The following DENND4A variants were observed in gnomAD, a reference collection of about 807,000 sequenced individuals.
The protein encoded by DENND4A is C-myc promoter-binding protein.
Under a neutral mutation model 199.3 loss-of-function variants are expected in DENND4A, and 70 were observed. The ratio of observed to expected loss-of-function variants is 0.35; its 90% CI spans 0.29 to 0.43. DENND4A has a LOEUF of 0.43. Among genes scored for constraint, DENND4A ranks in the 20% least tolerant of loss-of-function variants. DENND4A has a pLI of 1.00. For synonymous variants in DENND4A, 686 were observed against 766.9 expected, an observed-to-expected ratio of 0.89 and a Z score of 1.74; for missense variants, 1,723 against 2,255.8, an observed-to-expected ratio of 0.76 and a Z score of 4.78.
chr15:65,715,486 C>A lies in DENND4A; in HGVS notation c.1945G>T (p.Val649Leu), dbSNP rs768991778. ...DASLAFFDDC[V>L]DKVDMDKSGE... ...GATGTACTGTTACTTACTTTATCTACACAATCATCAAAAAATGCCAGGCTT... is the reference window on the plus strand; with the variant it reads ...GATGTACTGTTACTTACTTTATCTAAACAATCATCAAAAAATGCCAGGCTT... The change falls in exon 14 of 33, where the codon GTA becomes TTA. Residue 649 changes from valine to leucine, a missense_variant. Physicochemically the swap from Val to Leu is conservative, Grantham distance 32. This residue lies in a region of DENND4A where 725 missense variants were observed against 952.9 expected (regional missense o/e 0.76). Transcript: ENST00000443035. 6.2e-7 allele frequency: 1 copy of A among 1,609,730 alleles called. No individual in the cohort carries two copies. The highest frequency in any genetic ancestry group is 8.5e-7 in the Non-Finnish European group (1 of 1,178,982).
rs567364053 is a variant in DENND4A at position 65,769,534 on chromosome 15, T to C, written c.-101-8096A>G. Among the ~76,000 whole-genome samples, 235 of 152,314 alleles carry C rather than the reference T, an allele frequency of 1.5e-3. 1 individual carries two copies. Among genetic ancestry groups the C allele is most frequent in the African/African-American group, 5.2e-3 (217 of 41,580 alleles). On this transcript the variant is annotated intron_variant, in intron 1 of 32. Coordinates refer to ENST00000443035, the MANE Select transcript of DENND4A (RefSeq NM_001320835.1). ...ATTATCAGATACGCAAATAAGCTCA[T>C]GGCTTGGGTATTTTAAAATAAGGGA...
chr15:65,668,282 C>G (rs895127486), intron 27 of DENND4A, among the ~76,000 whole-genome samples, 159 bp from the exon 28 acceptor site: 2 of 151,328 alleles, frequency 1.3e-5, no homozygotes, highest in African/African-American at 4.9e-5. Flanking sequence ...GATCTCAGCT[C>G]ACTGCAACTT....
intron 29 of DENND4A, 70 bp from the exon 30 acceptor site, chr15:65,665,532 C>A: frequency 1.7e-6 from 2 of 1,206,880 alleles, no homozygotes; most frequent in Non-Finnish European, 2.3e-6. Flanking sequence ...TTATAAAATT[C>A]TTATAAATAT....
intron 20 of DENND4A, among the ~76,000 whole-genome samples, chr15:65,698,429 G>A (rs1318396720): frequency 6.6e-6 from 1 of 152,068 alleles, no homozygotes; most frequent in Non-Finnish European, 1.5e-5. Flanking sequence ...ATGATTTTAA[G>A]TAACAATGTA....
chr15:65,791,772 C>A (rs912959365), intron 1 of DENND4A, among the ~76,000 whole-genome samples: 1 of 151,976 alleles, frequency 6.6e-6, no homozygotes, highest in Non-Finnish European at 1.5e-5. Context: ...AACACAGGAG[C>A]CCCCCACGCG....
chr15:65,682,062 A>G (rs555359854), intron 23 of DENND4A, among the ~76,000 whole-genome samples: 118 of 152,350 alleles, frequency 7.7e-4, no homozygotes, highest in African/African-American at 2.7e-3. Context: ...GAGTAGCTTT[A>G]GCAAATTCTA....
intron 20 of DENND4A, 22 bp from the exon 21 acceptor site, chr15:65,697,405 A>G (rs1402970992): frequency 4.8e-6 from 7 of 1,459,692 alleles, no homozygotes; most frequent in Non-Finnish European, 5.7e-6. Context: ...AAAAATAAAC[A>G]AAACTCTATT....
chr15:65,704,164 T>C (rs1284953652), intron 15 of DENND4A, among the ~76,000 whole-genome samples: 1 of 152,102 alleles, frequency 6.6e-6, no homozygotes, highest in African/African-American at 2.4e-5. Flanking sequence ...AATAAGACCA[T>C]TTTGTGTGTC....
At chr15:65,767,265 G>A (rs2077011296) in intron 1 of DENND4A, 1 of 152,188 alleles carries the variant, frequency 6.6e-6, no homozygotes, top group Admixed American at 6.5e-5. Context: ...AACAAACTGA[G>A]GCATAAAAAT....
At chr15:65,724,758 G>A (rs779483296) in intron 11 of DENND4A, among the ~76,000 whole-genome samples, 5 of 152,190 alleles carry the variant, frequency 3.3e-5, no homozygotes, top group Non-Finnish European at 7.3e-5. Flanking sequence ...GTGACCAACA[G>A]GATCCTGTGT....
At chr15:65,666,991 C>T (rs1221609302) in intron 29 of DENND4A, among the ~76,000 whole-genome samples, 1 of 151,594 alleles carries the variant, frequency 6.6e-6, no homozygotes, top group African/African-American at 2.4e-5. Context: ...TTTGTAAATA[C>T]AACTAAAACA....
At chr15:65,692,309 T>G (rs2077000292) in intron 22 of DENND4A, among the ~76,000 whole-genome samples, 1 of 152,048 alleles carries the variant, frequency 6.6e-6, no homozygotes, top group African/African-American at 2.4e-5. Flanking sequence ...AATGGCCACT[T>G]CACATTATTT....
chr15:65,666,722 T>G (rs994946298), intron 29 of DENND4A, among the ~76,000 whole-genome samples: 2 of 144,818 alleles, frequency 1.4e-5, no homozygotes, highest in Non-Finnish European at 3.0e-5. Flanking sequence ...GAGGTCACAG[T>G]GAGCCATGAC....
chr15:65,781,887 G>A (rs2077444438), intron 1 of DENND4A, among the ~76,000 whole-genome samples: 2 of 152,204 alleles, frequency 1.3e-5, no homozygotes, highest in African/African-American at 2.4e-5. Context: ...GACAGGCAGA[G>A]AATACACAAA....
chr15:65,691,602 T>C (rs2076972236), intron 22 of DENND4A, 91 bp from the exon 23 acceptor site: 2 of 1,317,640 alleles, frequency 1.5e-6, no homozygotes. Flanking sequence ...ATGAAAATGA[T>C]AATAGCAAGC....
rs1222733514 is a variant in DENND4A at position 65,792,060 on chromosome 15, C to G, written c.-152G>C. 2 of 152,380 alleles carry G rather than the reference C, an allele frequency of 1.3e-5. No individual in the cohort carries two copies. The highest frequency in any genetic ancestry group is 2.9e-5 in the Non-Finnish European group (2 of 68,132). 9.4% of individuals were successfully genotyped at this position (152,380 alleles called of 1,614,324 possible). The stretch of plus-strand genomic sequence containing the variant: ...GCGGATCGAGCTCGGAGAGCGGCGC[C>G]GGAATCCCGCACGCGCGGTAGCGGA... On this transcript the variant is annotated 5_prime_UTR_variant, in exon 1 of 33. Coordinates refer to ENST00000443035, the MANE Select transcript of DENND4A (RefSeq NM_001320835.1).
intron 23 of DENND4A, among the ~76,000 whole-genome samples, chr15:65,685,051 T>A (rs905571134): frequency 2.0e-5 from 3 of 151,924 alleles, no homozygotes; most frequent in African/African-American, 7.3e-5. Flanking sequence ...AGTCTTAAAC[T>A]CCTGACCTCA....
At chr15:65,687,791 A>G (rs1273201102) in intron 23 of DENND4A, among the ~76,000 whole-genome samples, 1 of 151,134 alleles carries the variant, frequency 6.6e-6, no homozygotes, top group Non-Finnish European at 1.5e-5. Context: ...GTGTATTTTA[A>G]TTTTTTTTTA....
At chr15:65,664,872 A>G (rs2075984532) in intron 30 of DENND4A, 150 bp from the exon 31 acceptor site, 3 of 670,910 alleles carry the variant, frequency 4.5e-6, no homozygotes, top group Admixed American at 6.9e-5. Flanking sequence ...GAATGAAGAA[A>G]GCAAAAAATA....
Sources: gnomAD v4.1 joint callset for allele counts (sites outside exome capture counted in the v4.1 genomes callset) on GRCh38, gnomAD v4.1.1 for gene constraint, gnomAD v4.1.1 regional missense constraint, MANE v1.5 for transcripts, NCBI Gene and HGNC (gene_info 2026-07-23, HGNC 2026-07-21) for gene names.